Variants in FBP1 observed in about 807,000 individuals in gnomAD.
The protein encoded by FBP1 is fructose-bisphosphatase 1.
A neutral mutation model predicts 29.9 loss-of-function variants in FBP1; 22 were observed. That is an observed-to-expected ratio of 0.74 (90% CI 0.53 to 1.05). The LOEUF (loss-of-function observed/expected upper bound fraction) is 1.05, where lower values mean the gene tolerates loss of function less well. FBP1 is among the 50% of genes least tolerant of loss of function. The probability of loss-of-function intolerance (pLI) is 0.00; values close to 1 mark genes in which losing one functional copy is unlikely to be tolerated. For synonymous variants in FBP1, 175 were observed against 178.6 expected, an observed-to-expected ratio of 0.98 and a Z score of 0.16; for missense variants, 345 against 448.2, an observed-to-expected ratio of 0.77 and a Z score of 2.08.
chr9:94,637,928 A>T (rs28402371), intron 1 of FBP1, among the ~76,000 whole-genome samples: 39,686 of 151,564 alleles, frequency 0.26, 6,499 homozygotes, highest in East Asian at 0.56. Context: ...ACTAAAAAAA[A>T]TTACAAAATT....
chr9:94,609,001 G>A (rs1827741608), intron 4 of FBP1, among the ~76,000 whole-genome samples: 1 of 152,036 alleles, frequency 6.6e-6, no homozygotes, highest in Admixed American at 6.6e-5. Flanking sequence ...AGGAGTTCGC[G>A]ACCAGCCTGA....
At chr9:94,610,866 C>CTTTTTTTT (rs5899227) in intron 3 of FBP1, among the ~76,000 whole-genome samples, 1 of 143,876 alleles carries the variant, frequency 7.0e-6, no homozygotes, top group East Asian at 2.0e-4. Context: ...TGATTTTCTT[C>CTTTTTTTT]TTTTTTTTTT....
intron 6 of FBP1, among the ~76,000 whole-genome samples, chr9:94,604,645 G>A (rs370394898): frequency 2.1e-4 from 32 of 152,232 alleles, no homozygotes; most frequent in South Asian, 4.1e-4. Flanking sequence ...TTAGTCGGGC[G>A]TGGTGGCGGG....
chr9:94,631,589 A>G (rs1828104848), intron 1 of FBP1, among the ~76,000 whole-genome samples: 1 of 152,206 alleles, frequency 6.6e-6, no homozygotes, highest in Non-Finnish European at 1.5e-5. Flanking sequence ...AGGGGCTGAC[A>G]GAACTAGAGC....
intron 3 of FBP1, among the ~76,000 whole-genome samples, chr9:94,614,212 A>G: frequency 8.2e-6 from 1 of 121,344 alleles, no homozygotes; most frequent in Non-Finnish European, 1.7e-5. Flanking sequence ...AGGGAGGGAG[A>G]AGGGGGAGGG....
intron 1 of FBP1, among the ~76,000 whole-genome samples, chr9:94,635,981 A>G (rs1828186012): frequency 6.6e-6 from 1 of 152,198 alleles, no homozygotes; most frequent in Non-Finnish European, 1.5e-5. Context: ...GCATATGTAA[A>G]TATGTGTTCA....
At position 94,620,442 on chromosome 9, in the gene FBP1, G is replaced by C. The variant is rs1332787899; in HGVS notation, c.220C>G (p.Leu74Val). ...ACCAGGTCGTTGGAGAGGACGTCCA[G>C]CTTCTTAACTTGATCACCTGTCACG... is the stretch of plus-strand genomic sequence containing the variant. ...TNVTGDQVKK[L>V]DVLSNDLVMN... Residue 74 changes from leucine (L) to valine (V), a missense_variant, in exon 2 of 7, where the codon CTG becomes GTG. By Grantham distance (32) the Leu-to-Val change is conservative. Coordinates refer to ENST00000375326, the MANE Select transcript of FBP1 (RefSeq NM_000507.4). The C allele has an allele frequency of 1.3e-5, 21 of 1,614,064 alleles. No homozygotes were observed. Among genetic ancestry groups the C allele is most frequent in the Non-Finnish European group, 1.7e-5 (20 of 1,180,038 alleles).
At chr9:94,620,539 T>G (rs760833722) in intron 1 of FBP1, 48 bp from the exon 2 acceptor site, 2 of 1,586,308 alleles carry the variant, frequency 1.3e-6, no homozygotes. Flanking sequence ...CACCAGAACA[T>G]GTAGATGAGT....
chr9:94,634,304 A>G (rs73521171), intron 1 of FBP1, among the ~76,000 whole-genome samples: 1,594 of 151,144 alleles, frequency 0.011, 33 homozygotes, highest in African/African-American at 0.037. Flanking sequence ...AAAAAAAAAA[A>G]AAAGAAAGAA....
upstream of FBP1, chr9:94,639,584 A>C: frequency 1.8e-6 from 1 of 554,570 alleles, no homozygotes; most frequent in East Asian, 3.2e-5. Context: ...CCCCGGGAAC[A>C]CTCTTGCGCC....
intron 4 of FBP1, 79 bp downstream of exon 4, chr9:94,609,842 C>T: frequency 6.6e-7 from 1 of 1,514,428 alleles, no homozygotes; most frequent in South Asian, 1.1e-5. Flanking sequence ...CTCCACATAC[C>T]CCTGCCAATC....
Position 94,639,372 on chromosome 9 carries a change from G to A in FBP1, c.-62C>T. 6.4e-7 allele frequency: 1 copy of A among 1,554,190 alleles called. No individual in the cohort carries two copies. The highest frequency in any genetic ancestry group is 8.7e-7 in the Non-Finnish European group (1 of 1,146,304). ...GCGGCAGGTGCGGGGCTGCAGGTGC[G>A]GGCGGCAAGAGAGGGCAGTAGGCAC... On this transcript the variant is annotated 5_prime_UTR_variant, in exon 1 of 7. Transcript: ENST00000375326.
chr9:94,604,727 T>A (rs927635591), intron 6 of FBP1, among the ~76,000 whole-genome samples: 1 of 152,144 alleles, frequency 6.6e-6, no homozygotes, highest in Non-Finnish European at 1.5e-5. Context: ...GAGGCTGCAG[T>A]GAGCTGAGAT....
chr9:94,617,683 G>A lies in FBP1; in HGVS notation c.426+85C>T, dbSNP rs28369710. ...CTCACAGTTTCATGATCTCCACTCC[G>A]GCTGCTCTGCCACAGTGAAATAGGA... On this transcript the variant is annotated intron_variant, in intron 3 of 6. Coordinates refer to ENST00000375326, the MANE Select transcript of FBP1 (RefSeq NM_000507.4). 1.9e-3 allele frequency: 1,644 copies of A among 862,248 alleles called. 24 individuals are homozygous for A. In the African/African-American group the frequency reaches 0.024, roughly 12 times the overall value. The allele number at this position is 862,248 out of a possible 1,614,324, so 53.4% of individuals were successfully genotyped here.
At chr9:94,606,417 T>C (rs1016429474) in intron 5 of FBP1, among the ~76,000 whole-genome samples, 7 of 152,220 alleles carry the variant, frequency 4.6e-5, no homozygotes, top group Non-Finnish European at 8.8e-5. Context: ...TCTGGGACCA[T>C]GGACCCCAGA....
intron 6 of FBP1, chr9:94,603,881 T>C: frequency 2.5e-6 from 1 of 402,698 alleles, no homozygotes; most frequent in Admixed American, 3.5e-5. Context: ...ATCATTGCCT[T>C]CTCTTTATAC....
rs534818204 is a variant in FBP1, at chr9:94,607,360, C to G, written c.568-408G>C. ...GGTTGGTTCAGGCGGGAGGTGGGCT[C>G]TCAGGAGAGACGGGCCACCGCAGGA... On this transcript the variant is annotated intron_variant, in intron 4 of 6. Coordinates refer to ENST00000375326, the MANE Select transcript of FBP1 (RefSeq NM_000507.4). Among the ~76,000 whole-genome samples, 4 of 152,244 alleles carry G rather than the reference C, an allele frequency of 2.6e-5. No individual in the cohort carries two copies. In the South Asian group the frequency reaches 6.2e-4, roughly 24 times the overall value.
chr9:94,636,387 A>ACTACAG (rs1468828467), intron 1 of FBP1, among the ~76,000 whole-genome samples: 15 of 152,000 alleles, frequency 9.9e-5, no homozygotes, highest in Non-Finnish European at 1.9e-4. Context: ...CTGAGGTGGG[A>ACTACAG]GCACCAATTC....
chr9:94,639,334 G>A lies in FBP1; in HGVS notation c.-24C>T, dbSNP rs1446461888. ...ATGCTTGAACCGGGTAGAGCGCGGGGCTGCAGGTGCAAGCGGCAGGTGCGG... is the reference window on the plus strand; with the variant it reads ...ATGCTTGAACCGGGTAGAGCGCGGGACTGCAGGTGCAAGCGGCAGGTGCGG... On this transcript the variant is annotated 5_prime_UTR_variant, in exon 1 of 7. Transcript: ENST00000375326. The A allele has an allele frequency of 3.8e-6, 6 of 1,597,758 alleles. No homozygotes were observed. Among genetic ancestry groups the A allele is most frequent in the Non-Finnish European group, 5.1e-6 (6 of 1,172,422 alleles).
Sources: gnomAD v4.1 joint callset for allele counts (sites outside exome capture counted in the v4.1 genomes callset) on GRCh38, gnomAD v4.1.1 for gene constraint, MANE v1.5 for transcripts, NCBI Gene and HGNC (gene_info 2026-07-23, HGNC 2026-07-21) for gene names.